CADM2: variants seen among roughly 807,000 people sequenced by gnomAD.
CADM2 encodes immunoglobulin superfamily member 4D.
In CADM2, 12 loss-of-function variants were observed where a neutral mutation model predicts 49.8. The ratio of observed to expected loss-of-function variants is 0.24; its 90% CI spans 0.15 to 0.39. The LOEUF (loss-of-function observed/expected upper bound fraction) is 0.39. Ranked by LOEUF, CADM2 falls within the 10% of genes least tolerant of loss-of-function variation. The pLI, the probability that CADM2 is intolerant of heterozygous loss-of-function variation, is 1.00. For synonymous variants in CADM2, 214 were observed against 175.4 expected, an observed-to-expected ratio of 1.22 and a Z score of -1.74; for missense variants, 378 against 492.3, an observed-to-expected ratio of 0.77 and a Z score of 2.20.
At chr3:85,231,679 G>T (rs1033454458) in intron 1 of CADM2, among the ~76,000 whole-genome samples, 5 of 150,880 alleles carry the variant, frequency 3.3e-5, no homozygotes, top group Non-Finnish European at 7.4e-5. Flanking sequence ...AATAAGTGGG[G>T]TAGGGGGAGT....
At chr3:85,657,418 T>G (rs973385357) in intron 1 of CADM2, among the ~76,000 whole-genome samples, 1 of 152,058 alleles carries the variant, frequency 6.6e-6, no homozygotes, top group East Asian at 1.9e-4. Context: ...CTCATAATAT[T>G]CATTGATCTT....
intron 8 of CADM2, among the ~76,000 whole-genome samples, chr3:85,977,729 T>G (rs778873974): frequency 3.3e-5 from 5 of 151,568 alleles, no homozygotes; most frequent in Non-Finnish European, 7.4e-5. Context: ...TAGATCGCAC[T>G]CCAGGCTTTA....
intron 1 of CADM2, among the ~76,000 whole-genome samples, chr3:85,493,099 A>G (rs2039745085): frequency 6.6e-6 from 1 of 152,156 alleles, no homozygotes; most frequent in Non-Finnish European, 1.5e-5. Context: ...TGCTTTTTAA[A>G]TTGGATACGG....
Position 85,158,861 on chromosome 3 carries a change from T to A in CADM2, c.61+199193T>A, listed in dbSNP as rs529372436. 4.6e-5 allele frequency among the ~76,000 whole-genome samples: 7 copies of A among 151,684 alleles called. No individual in the cohort carries two copies. In the South Asian group the frequency reaches 1.3e-3, roughly 27 times the overall value. On this transcript the variant is annotated intron_variant, in intron 1 of 9. Coordinates refer to ENST00000383699, the MANE Select transcript of CADM2 (RefSeq NM_001167675.2). ...TATAATGATAATAAATAAAATAAAA[T>A]AAAAAAATAAAAATTTAAAAAAAAT...
intron 8 of CADM2, among the ~76,000 whole-genome samples, chr3:85,996,489 A>T: frequency 6.6e-6 from 1 of 151,946 alleles, no homozygotes; most frequent in African/African-American, 2.4e-5. Context: ...ACATACATAT[A>T]ATCCAATTTA....
rs868366299 is a variant in CADM2 at position 85,226,609 on chromosome 3, G to T, written c.61+266941G>T. Among the ~76,000 whole-genome samples the T allele has an allele frequency of 7.5e-3, 1,079 of 143,560 alleles. 9 individuals are homozygous for T. The highest frequency in any genetic ancestry group is 0.026 in the Middle Eastern group (7 of 270). 94.2% of individuals were successfully genotyped at this position (143,560 alleles called of 152,430 possible). On this transcript the variant is annotated intron_variant, in intron 1 of 9. Transcript: ENST00000383699. ...GATATTTTGAAGAGTTTTTTTTTTT[G>T]TGTGTGTGTCTATCTCCTTCAGTTC...
intron 6 of CADM2, among the ~76,000 whole-genome samples, chr3:85,915,001 G>A (rs1169784915): frequency 1.3e-5 from 2 of 152,116 alleles, no homozygotes; most frequent in African/African-American, 4.8e-5. Context: ...AGATGAACTT[G>A]TCTTTGTGTT....
At chr3:85,329,800 T>A (rs1423801774) in intron 1 of CADM2, among the ~76,000 whole-genome samples, 4 of 152,118 alleles carry the variant, frequency 2.6e-5, no homozygotes, top group Non-Finnish European at 5.9e-5. Context: ...AAATTTATTG[T>A]TCCTCTCATG....
At chr3:85,406,791 C>T (rs1412849788) in intron 1 of CADM2, among the ~76,000 whole-genome samples, 3 of 151,820 alleles carry the variant, frequency 2.0e-5, no homozygotes, top group Admixed American at 1.3e-4. Flanking sequence ...TTTTTCTTTC[C>T]AGAGCTACCA....
At chr3:85,396,250 A>G (rs1040147187) in intron 1 of CADM2, among the ~76,000 whole-genome samples, 1 of 151,480 alleles carries the variant, frequency 6.6e-6, no homozygotes, top group African/African-American at 2.4e-5. Context: ...GCTGCTTGTG[A>G]TCTTAGTTTT....
At chr3:85,158,356 A>T (rs2040208117) in intron 1 of CADM2, among the ~76,000 whole-genome samples, 1 of 152,204 alleles carries the variant, frequency 6.6e-6, no homozygotes, top group Admixed American at 6.5e-5. Flanking sequence ...TACCCAAAGG[A>T]CTATAAATCA....
intron 1 of CADM2, among the ~76,000 whole-genome samples, chr3:85,454,750 G>C (rs2037916632): frequency 6.6e-6 from 1 of 152,156 alleles, no homozygotes; most frequent in Non-Finnish European, 1.5e-5. Flanking sequence ...TGAACCAACT[G>C]AAGTGCTAAA....
rs144494320 is a variant in CADM2, at chr3:86,072,067, C to T, written c.*5284C>T. 2.0e-4 allele frequency: 31 copies of T among 151,784 alleles called. No homozygotes were observed. The East Asian group carries it at 5.6e-3, about 27-fold the overall frequency. The allele number at this position is 151,784 out of a possible 1,614,324, so 9.4% of individuals were successfully genotyped here. A position where few individuals can be genotyped will look rare whatever the true frequency, so the allele number is the denominator to read the frequency against. ...ATAATGCACAGTATTGCCACAAATG[C>T]CCACTTCATTTTGTCTGCATAGACA... On this transcript the variant is annotated 3_prime_UTR_variant, in exon 10 of 10. Coordinates refer to ENST00000383699, the MANE Select transcript of CADM2 (RefSeq NM_001167675.2).
chr3:85,316,957 G>C (rs776846845), intron 1 of CADM2, among the ~76,000 whole-genome samples: 1 of 152,050 alleles, frequency 6.6e-6, no homozygotes, highest in East Asian at 1.9e-4. Context: ...CATGAGTTGG[G>C]GTTTCAAAGT....
chr3:85,406,983 C>A (rs1448681378), intron 1 of CADM2, among the ~76,000 whole-genome samples: 2 of 152,022 alleles, frequency 1.3e-5, no homozygotes, highest in African/African-American at 4.8e-5. Context: ...ATCCCTTCAG[C>A]CCAGGAGTTC....
intron 1 of CADM2, among the ~76,000 whole-genome samples, chr3:85,202,546 ACAGATGTGCTGT>A (rs367933589): frequency 5.5e-4 from 83 of 152,224 alleles, no homozygotes; most frequent in African/African-American, 2.0e-3. Flanking sequence ...CACGCTGTAA[ACAGATGTGCTGT>A]CATATGGGCT....
At chr3:85,148,413 T>C (rs2039819333) in intron 1 of CADM2, among the ~76,000 whole-genome samples, 1 of 152,220 alleles carries the variant, frequency 6.6e-6, no homozygotes, top group Non-Finnish European at 1.5e-5. Flanking sequence ...TTATGTGTAA[T>C]TTTCTGTATA....
chr3:85,757,075 A>C (rs182785242), intron 2 of CADM2, among the ~76,000 whole-genome samples: 1 of 152,148 alleles, frequency 6.6e-6, no homozygotes, highest in African/African-American at 2.4e-5. Flanking sequence ...TTATGGCTTT[A>C]TAAAATAATA....
At chr3:85,283,775 A>G (rs1183836282) in intron 1 of CADM2, among the ~76,000 whole-genome samples, 7 of 152,294 alleles carry the variant, frequency 4.6e-5, no homozygotes, top group Non-Finnish European at 1.0e-4. Context: ...TGTGAAGTCA[A>G]GTCCAATGTC....
Sources: gnomAD v4.1 joint callset for allele counts (sites outside exome capture counted in the v4.1 genomes callset) on GRCh38, gnomAD v4.1.1 for gene constraint, MANE v1.5 for transcripts, NCBI Gene and HGNC (gene_info 2026-07-23, HGNC 2026-07-21) for gene names.